Variants in GLRA3 observed in about 807,000 individuals in gnomAD.
The protein encoded by GLRA3 is glycine receptor subunit alpha-3.
In GLRA3, 44 loss-of-function variants were observed where a neutral mutation model predicts 60.4. That is an observed-to-expected ratio of 0.73 (90% CI 0.57 to 0.94). GLRA3 has a LOEUF of 0.94. Ranked by LOEUF, GLRA3 falls within the 40% of genes least tolerant of loss-of-function variation. The probability of loss-of-function intolerance (pLI) is 0.00; values close to 1 mark genes in which losing one functional copy is unlikely to be tolerated. For missense variants in GLRA3, 508 were observed against 564.6 expected, an observed-to-expected ratio of 0.90 and a Z score of 1.02; for synonymous variants, 223 against 192.9, an observed-to-expected ratio of 1.16 and a Z score of -1.29.
At chr4:174,691,102 C>G (rs1734777253) in intron 5 of GLRA3, among the ~76,000 whole-genome samples, 1 of 152,178 alleles carries the variant, frequency 6.6e-6, no homozygotes. Context: ...ATACTGCTTT[C>G]CACAATGGTT....
chr4:174,797,556 C>CT (rs1739620245), intron 1 of GLRA3, among the ~76,000 whole-genome samples: 1 of 152,022 alleles, frequency 6.6e-6, no homozygotes, highest in Admixed American at 6.6e-5. Context: ...AGTTCAGAAA[C>CT]TTTAATTTCA....
intron 1 of GLRA3, among the ~76,000 whole-genome samples, chr4:174,804,008 A>G (rs1739927048): frequency 6.6e-6 from 1 of 152,170 alleles, no homozygotes; most frequent in South Asian, 2.1e-4. Flanking sequence ...TTGGTTTTTT[A>G]TAGCCCAACT....
intron 1 of GLRA3, among the ~76,000 whole-genome samples, chr4:174,820,773 C>T (rs2111395996): frequency 6.6e-6 from 1 of 152,302 alleles, no homozygotes; most frequent in Admixed American, 6.5e-5. Flanking sequence ...GACACACTCC[C>T]TCCACCACCC....
intron 5 of GLRA3, among the ~76,000 whole-genome samples, chr4:174,711,293 T>C (rs1194866527): frequency 6.6e-6 from 1 of 151,724 alleles, no homozygotes; most frequent in Non-Finnish European, 1.5e-5. Context: ...TCTCTCTCTC[T>C]ATGATTTGTT....
chr4:174,686,590 T>C (rs1268874689), intron 5 of GLRA3, among the ~76,000 whole-genome samples: 6 of 152,210 alleles, frequency 3.9e-5, no homozygotes, highest in Admixed American at 3.9e-4. Flanking sequence ...CTTCAGGCAA[T>C]GTGAGATATT....
At chr4:174,744,507 T>G (rs6828970) in intron 3 of GLRA3, among the ~76,000 whole-genome samples, 24,075 of 152,260 alleles carry the variant, frequency 0.16, 2,494 homozygotes, top group African/African-American at 0.3. Flanking sequence ...CACTAGTTCC[T>G]GTACCCTAAA....
At chr4:174,663,469 C>T (rs1422589242) in intron 7 of GLRA3, among the ~76,000 whole-genome samples, 5 of 152,144 alleles carry the variant, frequency 3.3e-5, no homozygotes, top group Non-Finnish European at 5.9e-5. Flanking sequence ...ACAGAAATTA[C>T]ATCAGAAATA....
chr4:174,794,669 G>A (rs1337145635), intron 1 of GLRA3, among the ~76,000 whole-genome samples: 3 of 152,056 alleles, frequency 2.0e-5, no homozygotes, highest in African/African-American at 7.2e-5. Flanking sequence ...CTTTTTGAAG[G>A]TTAAAAATTG....
intron 1 of GLRA3, among the ~76,000 whole-genome samples, chr4:174,825,055 A>G (rs948314265): frequency 6.6e-5 from 10 of 152,118 alleles, no homozygotes; most frequent in Non-Finnish European, 1.5e-4. Flanking sequence ...TGTTCTTTCA[A>G]TTGGCAGGGC....
At chr4:174,651,932 C>A (rs1170332418) in intron 9 of GLRA3, among the ~76,000 whole-genome samples, 1 of 151,994 alleles carries the variant, frequency 6.6e-6, no homozygotes, top group African/African-American at 2.4e-5. Flanking sequence ...AGGAAAGGAA[C>A]AGACTCCTGT....
rs1736414216 is a variant in GLRA3, at chr4:174,728,619, A to G, written c.347T>C (p.Leu116Ser). The part of the protein sequence containing the change: ...LAYSEYPDDS[L>S]DLDPSMLDSI... ...GTCCAACATGGAGGGGTCGAGGTCT[A>G]AAGAGTCGTCAGGATATTCACTGTA... The change falls in exon 4 of 10, where the codon TTA becomes TCA. Residue 116 changes from leucine to serine, a missense_variant. By Grantham distance (145) the Leu-to-Ser change is moderately radical. Transcript: ENST00000274093. 1 of 1,612,656 alleles carries G rather than the reference A, an allele frequency of 6.2e-7. No homozygotes were observed.
At position 174,643,818 on chromosome 4, in the gene GLRA3, T is replaced by C; in HGVS notation, c.1363A>G (p.Arg455Gly). 1 of 1,613,618 alleles carries C rather than the reference T, an allele frequency of 6.2e-7. No homozygotes were observed. The highest frequency in any genetic ancestry group is 8.5e-7 in the Non-Finnish European group (1 of 1,179,668). Reference sequence around the variant, plus strand: ...TGCTGCTGATGAATATCCTCATGCCTAAGAATTTTATAGATAACCCAGTAG... The same window carrying C: ...TGCTGCTGATGAATATCCTCATGCCCAAGAATTTTATAGATAACCCAGTAG... Reference protein sequence around the residue: ...IFYWVIYKILRHEDIHQQQD With the variant: ...IFYWVIYKILGHEDIHQQQD Residue 455 changes from arginine (R) to glycine (G), a missense_variant, in exon 10 of 10, where the codon AGG (arginine) becomes GGG (glycine). By Grantham distance (125) the Arg-to-Gly change is moderately radical. Around this residue, in one of 3 missense-constraint regions of GLRA3, gnomAD observed 176 missense variants for 197.9 expected, o/e 0.89. Coordinates refer to ENST00000274093, the MANE Select transcript of GLRA3 (RefSeq NM_006529.4).
At chr4:174,763,170 A>C (rs551354182) in intron 3 of GLRA3, among the ~76,000 whole-genome samples, 1 of 152,304 alleles carries the variant, frequency 6.6e-6, no homozygotes, top group South Asian at 2.1e-4. Flanking sequence ...ATGGGGAAAA[A>C]GCACTCAGGT....
chr4:174,794,464 C>A (rs1267293468), intron 1 of GLRA3, among the ~76,000 whole-genome samples: 1 of 152,028 alleles, frequency 6.6e-6, no homozygotes, highest in African/African-American at 2.4e-5. Flanking sequence ...AAATACAACA[C>A]AATTTTATGC....
At chr4:174,672,032 A>G (rs1226826589) in intron 7 of GLRA3, among the ~76,000 whole-genome samples, 1 of 152,198 alleles carries the variant, frequency 6.6e-6, no homozygotes, top group Non-Finnish European at 1.5e-5. Flanking sequence ...AAAAGGTTCT[A>G]AGTAATCATT....
intron 7 of GLRA3, among the ~76,000 whole-genome samples, chr4:174,659,726 C>A (rs146622431): frequency 6.6e-6 from 1 of 152,014 alleles, no homozygotes; most frequent in Admixed American, 6.6e-5. Context: ...AATCCTAGAA[C>A]TTTGGTATGC....
rs768917914 is a variant in GLRA3, at chr4:174,677,299, G to A, written c.713-7C>T. The A allele has an allele frequency of 6.5e-7, 1 of 1,540,168 alleles. No individual in the cohort carries two copies. The highest frequency in any genetic ancestry group is 1.1e-5 in the South Asian group (1 of 89,452). On this transcript the variant is annotated splice_region_variant and splice_polypyrimidine_tract_variant and intron_variant, in intron 6 of 9. Coordinates refer to ENST00000274093, the MANE Select transcript of GLRA3 (RefSeq NM_006529.4). ...TCTATACACGTAAACTTTCCTAATT[G>A]GTGGTAAGGTAAATACAGCAATTAG... is the stretch of plus-strand genomic sequence containing the variant.
At chr4:174,785,831 A>G (rs1739105662) in intron 2 of GLRA3, among the ~76,000 whole-genome samples, 1 of 151,994 alleles carries the variant, frequency 6.6e-6, no homozygotes, top group Non-Finnish European at 1.5e-5. Flanking sequence ...GTGCAGTGGC[A>G]CAACCATAGC....
chr4:174,651,177 T>G (rs955772435), intron 9 of GLRA3, among the ~76,000 whole-genome samples: 16 of 152,184 alleles, frequency 1.1e-4, no homozygotes, highest in Non-Finnish European at 2.4e-4. Context: ...TAGCCCAAAA[T>G]GCACAACATG....
Sources: allele counts gnomAD v4.1 joint callset (sites outside exome capture counted in the v4.1 genomes callset), GRCh38; gene constraint gnomAD v4.1.1; regional missense constraint gnomAD v4.1.1; transcripts MANE v1.5; gene names NCBI Gene and HGNC (gene_info 2026-07-23, HGNC 2026-07-21).